PHF24: variants seen among roughly 807,000 people sequenced by gnomAD.
The protein encoded by PHF24 is PHD finger protein 24.
Under a neutral mutation model 42.6 loss-of-function variants are expected in PHF24, and 25 were observed. The observed-to-expected ratio is 0.59, with a 90% confidence interval of 0.43 to 0.82. PHF24 has a LOEUF of 0.82. PHF24 is among the 40% of genes least tolerant of loss of function. PHF24 has a pLI of 0.00. For missense variants in PHF24, 470 were observed against 538.1 expected, an observed-to-expected ratio of 0.87 and a Z score of 1.25; for synonymous variants, 185 against 204.8, an observed-to-expected ratio of 0.90 and a Z score of 0.83.
At chr9:34,849,428 G>A in the PHF24 span, among the ~76,000 whole-genome samples, 1 of 151,602 alleles carries the variant, frequency 6.6e-6, no homozygotes, top group Admixed American at 6.6e-5. Context: ...TGCAACCCCT[G>A]CCTTTTTTTG....
the PHF24 span, among the ~76,000 whole-genome samples, chr9:34,785,309 C>T: frequency 1.2e-4 from 19 of 152,140 alleles, no homozygotes; most frequent in African/African-American, 3.9e-4. Context: ...GGCATTAATC[C>T]GTTCATGAGG....
the PHF24 span, among the ~76,000 whole-genome samples, chr9:34,752,618 C>A: frequency 1.3e-5 from 2 of 152,136 alleles, no homozygotes; most frequent in Admixed American, 6.5e-5. Context: ...TAAAGAAGAA[C>A]TAATACCAAT....
chr9:34,747,202 G>T, the PHF24 span, among the ~76,000 whole-genome samples: 2 of 152,070 alleles, frequency 1.3e-5, no homozygotes. Flanking sequence ...GTTGTTTGAG[G>T]CCAGGAGTTC....
At chr9:34,886,826 G>GTATGTATGTATCTATC in the PHF24 span, among the ~76,000 whole-genome samples, 5 of 80,808 alleles carry the variant, frequency 6.2e-5, no homozygotes, top group African/African-American at 1.6e-4. Flanking sequence ...ATGTATCTAT[G>GTATGTATGTATCTATC]TATCTATGTA....
chr9:34,737,392 T>C, the PHF24 span, among the ~76,000 whole-genome samples: 30 of 152,370 alleles, frequency 2.0e-4, no homozygotes, highest in Middle Eastern at 3.4e-3. Context: ...TTTTTATGGC[T>C]GAAGAATAAT....
the PHF24 span, among the ~76,000 whole-genome samples, chr9:34,696,268 A>C: frequency 6.6e-6 from 1 of 152,070 alleles, no homozygotes; most frequent in African/African-American, 2.4e-5. Flanking sequence ...GGGGCAGATC[A>C]CTTGAGGTCA....
the PHF24 span, among the ~76,000 whole-genome samples, chr9:34,773,863 A>G: frequency 1.3e-5 from 2 of 152,328 alleles, no homozygotes; most frequent in South Asian, 4.1e-4. Context: ...GAACCTGAGG[A>G]TTTATGACAG....
the PHF24 span, chr9:34,834,162 G>T: frequency 1.3e-6 from 2 of 1,543,790 alleles, no homozygotes; most frequent in South Asian, 2.4e-5. Flanking sequence ...GGAATGCAGG[G>T]AAAAGGAGCC....
the PHF24 span, among the ~76,000 whole-genome samples, chr9:34,886,754 A>ATCTATCTGTCTG: frequency 7.5e-5 from 11 of 147,550 alleles, no homozygotes; most frequent in African/African-American, 2.8e-4. Context: ...CTATCTATCT[A>ATCTATCTGTCTG]TCTGTCTGTC....
chr9:34,676,341 T>A, the PHF24 span, among the ~76,000 whole-genome samples: 1 of 152,148 alleles, frequency 6.6e-6, no homozygotes, highest in African/African-American at 2.4e-5. Flanking sequence ...CTAGGCACAA[T>A]GGGGAAACCA....
chr9:34,969,420 T>C (rs1826892415), intron 1 of PHF24, among the ~76,000 whole-genome samples: 1 of 151,868 alleles, frequency 6.6e-6, no homozygotes, highest in Non-Finnish European at 1.5e-5. Context: ...GGTGGGCGGA[T>C]CATGAGGTCA....
chr9:34,886,714 T>G, the PHF24 span, among the ~76,000 whole-genome samples: 1 of 151,296 alleles, frequency 6.6e-6, no homozygotes, highest in Non-Finnish European at 1.5e-5. Context: ...CCCTTCGTGG[T>G]CATATCTAGT....
At chr9:34,763,395 C>T in the PHF24 span, among the ~76,000 whole-genome samples, 1 of 152,074 alleles carries the variant, frequency 6.6e-6, no homozygotes, top group Non-Finnish European at 1.5e-5. Flanking sequence ...TGTAGTTCTC[C>T]CTGAAGAGGT....
At chr9:34,793,614 G>A in the PHF24 span, among the ~76,000 whole-genome samples, 1 of 152,064 alleles carries the variant, frequency 6.6e-6, no homozygotes, top group Non-Finnish European at 1.5e-5. Context: ...TCCTCTGACC[G>A]GAACTGAAAC....
At chr9:34,793,451 C>G in the PHF24 span, among the ~76,000 whole-genome samples, 1 of 152,214 alleles carries the variant, frequency 6.6e-6, no homozygotes, top group Non-Finnish European at 1.5e-5. Context: ...GCACATCTCA[C>G]CCAGCCCCTT....
chr9:34,694,052 A>C, the PHF24 span, among the ~76,000 whole-genome samples: 1 of 151,232 alleles, frequency 6.6e-6, no homozygotes, highest in African/African-American at 2.4e-5. Context: ...CTGAGGCAGG[A>C]GAATCCCAAG....
the PHF24 span, among the ~76,000 whole-genome samples, chr9:34,924,680 T>C: frequency 1.3e-5 from 2 of 152,194 alleles, no homozygotes; most frequent in Admixed American, 1.3e-4. Flanking sequence ...AGGTGAAGTG[T>C]GTTTCTTGTA....
the PHF24 span, among the ~76,000 whole-genome samples, chr9:34,677,519 C>G: frequency 6.6e-6 from 1 of 151,112 alleles, no homozygotes; most frequent in Non-Finnish European, 1.5e-5. Flanking sequence ...GCCTTAACCT[C>G]CCGAGTAGAT....
chr9:34,856,046 C>T, the PHF24 span, among the ~76,000 whole-genome samples: 1 of 152,114 alleles, frequency 6.6e-6, no homozygotes, highest in Non-Finnish European at 1.5e-5. Context: ...AGATTCTTTC[C>T]TCTGCTTGAT....
Sources: gnomAD v4.1 joint callset for allele counts (sites outside exome capture counted in the v4.1 genomes callset) on GRCh38, gnomAD v4.1.1 for gene constraint, MANE v1.5 for transcripts, NCBI Gene and HGNC (gene_info 2026-07-23, HGNC 2026-07-21) for gene names.